GAD1: variants seen among roughly 807,000 people sequenced by gnomAD.
GAD1 encodes the protein 67 kDa glutamic acid decarboxylase.
Under a neutral mutation model 75.2 loss-of-function variants are expected in GAD1, and 35 were observed. That is an observed-to-expected ratio of 0.47 (90% CI 0.36 to 0.62). GAD1 has a LOEUF of 0.62. GAD1 is among the 20% of genes least tolerant of loss of function. The probability of loss-of-function intolerance (pLI) is 0.00; values close to 1 mark genes in which losing one functional copy is unlikely to be tolerated. For synonymous variants in GAD1, 257 were observed against 271.9 expected (o/e 0.95, Z 0.54); for missense variants, 490 against 758.5 (o/e 0.65, Z 4.16).
chr2:170,818,549 G>T lies in GAD1; in HGVS notation c.-43G>T. 1 of 1,573,950 alleles carries T rather than the reference G, an allele frequency of 6.4e-7. No homozygotes were observed. The highest frequency in any genetic ancestry group is 8.7e-7 in the Non-Finnish European group (1 of 1,143,436). ...TGCAGCCTGTTTCTGCGCCGGACCA[G>T]TCGAGGACTCTGGACAGTAGAGGCC... On this transcript the variant is annotated 5_prime_UTR_variant, in exon 2 of 17. Coordinates refer to ENST00000358196, the MANE Select transcript of GAD1 (RefSeq NM_000817.3). The surrounding 1 kb of genome is among the most constrained non-coding windows in gnomAD (Gnocchi z 5.9).
In GAD1 at chr2:170,829,596, G is replaced by A. The variant is rs369888213; in HGVS notation, c.267G>A (p.Arg89=). The A allele has an allele frequency of 6.8e-6, 11 of 1,613,526 alleles. No individual in the cohort carries two copies. The highest frequency in any genetic ancestry group is 9.3e-6 in the Non-Finnish European group (11 of 1,180,026). The change falls in exon 4 of 17, where the codon CGG becomes CGA. Residue 89 remains arginine, a synonymous_variant. Coordinates refer to ENST00000358196, the MANE Select transcript of GAD1 (RefSeq NM_000817.3). The stretch of plus-strand genomic sequence containing the variant: ...ACAGCGACCGGGATGCCCGCTTCCG[G>A]CGCACAGAGACTGACTTCTCTAATC... ...CENSDRDARF[R]RTETDFSNLF... is the part of the protein sequence containing the mutation.
Position 170,858,163 on chromosome 2 carries a change from T to C in GAD1, c.1522-641T>C, listed in dbSNP as rs149342219. On this transcript the variant is annotated intron_variant, in intron 15 of 16. Transcript: ENST00000358196. ...AACAAATGTGATATCTCAAACCAATTAGAGGCAGGCACAGTAATGGCAAAC... is the reference window on the plus strand; with the variant it reads ...AACAAATGTGATATCTCAAACCAATCAGAGGCAGGCACAGTAATGGCAAAC... 7.6e-4 allele frequency among the ~76,000 whole-genome samples: 115 copies of C among 152,198 alleles called. 1 individual carries two copies. Among genetic ancestry groups the C allele is most frequent in the Admixed American group, 3.4e-3 (52 of 15,288 alleles).
At chr2:170,832,256 A>G (rs1702250143) in intron 5 of GAD1, among the ~76,000 whole-genome samples, 1 of 152,180 alleles carries the variant, frequency 6.6e-6, no homozygotes, top group South Asian at 2.1e-4. Context: ...GGTGCTGGCT[A>G]TGCTCTCTCT....
Position 170,858,791 on chromosome 2 carries a change from A to G in GAD1, c.1522-13A>G. ...TCCTAATTTTCTTTGTTTGTCTTTT[A>G]AAATCTCTGCAGCCTGAGCACACAA... On this transcript the variant is annotated splice_polypyrimidine_tract_variant and intron_variant, in intron 15 of 16. Transcript: ENST00000358196. The G allele has an allele frequency of 6.2e-7, 1 of 1,613,252 alleles. No individual in the cohort carries two copies. Among genetic ancestry groups the G allele is most frequent in the East Asian group, 2.2e-5 (1 of 44,884 alleles).
intron 3 of GAD1, among the ~76,000 whole-genome samples, chr2:170,823,087 A>C (rs912951055): frequency 1.3e-5 from 2 of 152,244 alleles, no homozygotes; most frequent in Non-Finnish European, 2.9e-5. Flanking sequence ...TCACCGACTA[A>C]AATTCTCTAG....
chr2:170,847,037 C>T (rs1288341551), intron 10 of GAD1, among the ~76,000 whole-genome samples: 1 of 152,120 alleles, frequency 6.6e-6, no homozygotes, highest in Non-Finnish European at 1.5e-5. Flanking sequence ...TCACAGATTT[C>T]CCCAAACTTG....
intron 6 of GAD1, among the ~76,000 whole-genome samples, chr2:170,842,413 A>G (rs1702536202): frequency 6.6e-6 from 1 of 152,248 alleles, no homozygotes. Context: ...CTCGCCATGC[A>G]AACATTTTTG....
chr2:170,828,107 C>CCTCACCCTA (rs1702073200), intron 3 of GAD1, among the ~76,000 whole-genome samples: 1 of 139,120 alleles, frequency 7.2e-6, no homozygotes, highest in Non-Finnish European at 1.6e-5. Flanking sequence ...CTTCTGCTGT[C>CCTCACCCTA]CTCCCTCTGC....
intron 2 of GAD1, among the ~76,000 whole-genome samples, chr2:170,819,762 A>G (rs1701814644): frequency 6.6e-6 from 1 of 152,166 alleles, no homozygotes; most frequent in Non-Finnish European, 1.5e-5. Context: ...GGGCTTAAGA[A>G]GGATAGTGTG....
chr2:170,831,682 T>A (rs1434738458), intron 5 of GAD1, among the ~76,000 whole-genome samples: 1 of 142,374 alleles, frequency 7.0e-6, no homozygotes, highest in African/African-American at 2.6e-5. Flanking sequence ...ATATTTAATA[T>A]AATAAATAAA....
At chr2:170,835,680 T>C (rs997165664) in intron 5 of GAD1, among the ~76,000 whole-genome samples, 1 of 152,252 alleles carries the variant, frequency 6.6e-6, no homozygotes, top group Admixed American at 6.5e-5. Flanking sequence ...AATAGTGTGA[T>C]TGCATTTATT....
chr2:170,823,753 T>C (rs1701954636), intron 3 of GAD1, among the ~76,000 whole-genome samples: 1 of 151,698 alleles, frequency 6.6e-6, no homozygotes, highest in Non-Finnish European at 1.5e-5. Flanking sequence ...GCCGTCATTG[T>C]CATGCAGCCA....
intron 15 of GAD1, among the ~76,000 whole-genome samples, chr2:170,857,891 G>A (rs1023795761): frequency 1.3e-5 from 2 of 152,192 alleles, no homozygotes; most frequent in Non-Finnish European, 1.5e-5. Flanking sequence ...ACCCAATGGA[G>A]CTTACACTTG....
chr2:170,839,835 A>T (rs929193719), intron 6 of GAD1, among the ~76,000 whole-genome samples: 3 of 152,170 alleles, frequency 2.0e-5, no homozygotes, highest in Non-Finnish European at 4.4e-5. Flanking sequence ...GCCCTCAAAC[A>T]TCTAATGGCA....
chr2:170,856,196 T>C (rs1331275288), intron 14 of GAD1, among the ~76,000 whole-genome samples: 3 of 152,192 alleles, frequency 2.0e-5, no homozygotes, highest in Non-Finnish European at 4.4e-5. Context: ...GTGCATCTGC[T>C]CTCCTTGTTA....
At position 170,829,638 on chromosome 2, in the gene GAD1, C is replaced by A; in HGVS notation, c.304+5C>A. 1 of 1,612,482 alleles carries A rather than the reference C, an allele frequency of 6.2e-7. No individual in the cohort carries two copies. The highest frequency in any genetic ancestry group is 8.5e-7 in the Non-Finnish European group (1 of 1,179,950). On this transcript the variant is annotated splice_donor_5th_base_variant and intron_variant, in intron 4 of 16. Transcript: ENST00000358196. ...TCTCTAATCTGTTTGCTAGAGGTAG[C>A]CCCTGCCCCACTCCCGCCCCATGCT...
chr2:170,844,426 T>TTTTTTA (rs1702588187), intron 7 of GAD1, among the ~76,000 whole-genome samples: 1 of 133,526 alleles, frequency 7.5e-6, no homozygotes, highest in Non-Finnish European at 1.7e-5. Flanking sequence ...TTTTTTTTTT[T>TTTTTTA]GAGACAGGGT....
At chr2:170,823,520 G>A (rs1413398173) in intron 3 of GAD1, among the ~76,000 whole-genome samples, 2 of 152,020 alleles carry the variant, frequency 1.3e-5, no homozygotes, top group Admixed American at 1.3e-4. Flanking sequence ...CCCTGCCGCC[G>A]GGCGGCCTGG....
intron 6 of GAD1, chr2:170,842,746 C>A: frequency 6.5e-7 from 1 of 1,549,474 alleles, no homozygotes; most frequent in Non-Finnish European, 8.7e-7. Flanking sequence ...AAATAAAATA[C>A]TTCTACCAAC....
Sources: gnomAD v4.1 joint callset for allele counts (sites outside exome capture counted in the v4.1 genomes callset) on GRCh38, gnomAD v4.1.1 for gene constraint, Gnocchi (gnomAD v3.1) non-coding constraint, MANE v1.5 for transcripts, NCBI Gene and HGNC (gene_info 2026-07-23, HGNC 2026-07-21) for gene names.